The following AREL1 variants were observed in gnomAD, a reference collection of about 807,000 sequenced individuals.
AREL1 encodes the protein apoptosis-resistant E3 ubiquitin protein ligase 1.
Under a neutral mutation model 99.0 loss-of-function variants are expected in AREL1, and 62 were observed. That is an observed-to-expected ratio of 0.63 (90% CI 0.51 to 0.77). The LOEUF (loss-of-function observed/expected upper bound fraction) is 0.77. Among genes scored for constraint, AREL1 ranks in the 30% least tolerant of loss-of-function variants. The probability of loss-of-function intolerance (pLI) is 0.00; values close to 1 mark genes in which losing one functional copy is unlikely to be tolerated. For missense variants in AREL1, 879 were observed against 1,027.6 expected, an observed-to-expected ratio of 0.86 and a Z score of 1.98; for synonymous variants, 380 against 376.5, an observed-to-expected ratio of 1.01 and a Z score of -0.11.
chr14:74,687,816 G>A lies in AREL1; in HGVS notation c.-45-2156C>T, dbSNP rs78890521. ...ATCACTACTCCTTTACTTCAAAGCT[G>A]ATAGGAAACTCCTCTCTACTGGCCC... On this transcript the variant is annotated intron_variant, in intron 2 of 19. Coordinates refer to ENST00000356357, the MANE Select transcript of AREL1 (RefSeq NM_001039479.2). Among the ~76,000 whole-genome samples, 920 of 152,186 alleles carry A rather than the reference G, an allele frequency of 6.0e-3. 8 individuals carry two copies. The highest frequency in any genetic ancestry group is 0.029 in the South Asian group (141 of 4,816).
intron 2 of AREL1, 37 bp from the exon 3 acceptor site, chr14:74,685,697 C>A: frequency 1.3e-6 from 2 of 1,575,658 alleles, no homozygotes; most frequent in South Asian, 2.2e-5. Flanking sequence ...TTGTCTCCAA[C>A]TCTGCCTCAT....
At chr14:74,695,516 A>G (rs1014683447) in intron 1 of AREL1, among the ~76,000 whole-genome samples, 1 of 152,054 alleles carries the variant, frequency 6.6e-6, no homozygotes, top group Non-Finnish European at 1.5e-5. Context: ...GCTCACCGCA[A>G]TGCTTCAGTA....
At position 74,676,219 on chromosome 14, in the gene AREL1, G is replaced by A. The variant is rs1217422488; in HGVS notation, c.754C>T (p.Arg252Ter). ...QVFLRLTLHS[R>*]GCFHACISYQ... ...GAAATGCAAGCATGGAAGCAGCCTC[G>A]AGAATGCAGGGTGAGTCGCAAGAAC... Residue 252 changes from arginine to a stop codon, truncating the protein, a stop_gained, in exon 7 of 20, where the codon CGA (arginine) becomes TGA (stop). Transcript: ENST00000356357. LOFTEE classifies it high-confidence loss of function. 11 of 1,613,970 alleles carry A rather than the reference G, an allele frequency of 6.8e-6. No homozygotes were observed. The highest frequency in any genetic ancestry group is 2.7e-5 in the African/African-American group (2 of 74,908).
chr14:74,692,527 T>C (rs1353708041), intron 1 of AREL1, among the ~76,000 whole-genome samples, 199 bp from the exon 2 acceptor site: 1 of 152,170 alleles, frequency 6.6e-6, no homozygotes, highest in Non-Finnish European at 1.5e-5. Flanking sequence ...TCCAACTCCA[T>C]AAGAAAAGTC....
At chr14:74,708,413 T>C (rs974191937) in intron 1 of AREL1, among the ~76,000 whole-genome samples, 2 of 152,194 alleles carry the variant, frequency 1.3e-5, no homozygotes, top group Non-Finnish European at 2.9e-5. Context: ...TGGGATTTCT[T>C]CTTTACCAAG....
chr14:74,703,558 T>C (rs2090123399), intron 1 of AREL1, among the ~76,000 whole-genome samples: 1 of 152,226 alleles, frequency 6.6e-6, no homozygotes, highest in Non-Finnish European at 1.5e-5. Flanking sequence ...ATTCAAAAGG[T>C]ACATAGAAAT....
rs201741583 is a variant in AREL1, at chr14:74,663,740, C to G, written c.2452G>C (p.Glu818Gln). 3.9e-4 allele frequency: 636 copies of G among 1,614,078 alleles called. No homozygotes were observed. Among genetic ancestry groups the G allele is most frequent in the Non-Finnish European group, 4.7e-4 (550 of 1,180,016 alleles). ...AGTGGTCAGAGCATGCCAAAGCCCT[C>G]GCAACCCTCGCTGATGGCCAGCTGC... ...MLQLAISEGC[E>Q]GFGML The change falls in exon 20 of 20, where the codon GAG becomes CAG. Residue 818 changes from glutamate to glutamine, a missense_variant. Glu to Gln is a conservative substitution (Grantham distance 29). Coordinates refer to ENST00000356357, the MANE Select transcript of AREL1 (RefSeq NM_001039479.2).
chr14:74,681,037 T>C (rs1277925923), intron 5 of AREL1, among the ~76,000 whole-genome samples: 1 of 151,962 alleles, frequency 6.6e-6, no homozygotes, highest in Non-Finnish European at 1.5e-5. Flanking sequence ...AATCAAAAAA[T>C]TAACCGAGCG....
intron 7 of AREL1, 26 bp from the exon 8 acceptor site, chr14:74,675,972 T>G: frequency 5.1e-6 from 8 of 1,554,272 alleles, no homozygotes; most frequent in Non-Finnish European, 6.9e-6. Context: ...GAATAAGGTT[T>G]AAAGTAGAAG....
chr14:74,676,712 A>G lies in AREL1; in HGVS notation c.522T>C (p.Phe174=). The change falls in exon 6 of 20, where the codon TTT becomes TTC. Residue 174 remains phenylalanine, a synonymous_variant. Transcript: ENST00000356357. ...VPSKTKIVCH[F]STLVLTCGQP... is the part of the protein sequence containing the mutation. ...GCCCACAGGTCAATACAAGAGTAGAAAAGTGGCACACAATTTTGGTCTTAG... is the reference window on the plus strand; with the variant it reads ...GCCCACAGGTCAATACAAGAGTAGAGAAGTGGCACACAATTTTGGTCTTAG... 1 of 1,612,462 alleles carries G rather than the reference A, an allele frequency of 6.2e-7. No individual in the cohort carries two copies. Among genetic ancestry groups the G allele is most frequent in the Admixed American group, 1.7e-5 (1 of 59,814 alleles).
intron 1 of AREL1, among the ~76,000 whole-genome samples, chr14:74,695,186 T>C (rs1011670107): frequency 8.6e-5 from 13 of 151,516 alleles, no homozygotes; most frequent in African/African-American, 3.2e-4. Context: ...TTCAAGCGAT[T>C]CTCTTGCCTC....
rs1446202924 is a variant in AREL1, at chr14:74,683,291, C to A, written c.481+5G>T. On this transcript the variant is annotated splice_donor_5th_base_variant and intron_variant, in intron 5 of 19. Transcript: ENST00000356357. ...AAGGGAAAAAGAAAGGAAAAAAGAA[C>A]CTACCAGGTTGAAAAATTTTGTAGT... is the stretch of plus-strand genomic sequence containing the variant. 1 of 1,602,540 alleles carries A rather than the reference C, an allele frequency of 6.2e-7. No homozygotes were observed. The highest frequency in any genetic ancestry group is 8.5e-7 in the Non-Finnish European group (1 of 1,171,254).
At chr14:74,707,905 C>T (rs2090215219) in intron 1 of AREL1, among the ~76,000 whole-genome samples, 1 of 149,570 alleles carries the variant, frequency 6.7e-6, no homozygotes, top group East Asian at 2.0e-4. Flanking sequence ...TGCAGTGAGC[C>T]GAGATGGCGC....
chr14:74,703,624 C>T (rs1395577408), intron 1 of AREL1, among the ~76,000 whole-genome samples: 2 of 152,318 alleles, frequency 1.3e-5, no homozygotes, highest in South Asian at 2.1e-4. Context: ...TTTCACTTAG[C>T]ATAATGGTTC....
At chr14:74,664,103 A>G (rs1488478329) in intron 18 of AREL1, 29 bp from the exon 19 acceptor site, 1 of 1,602,016 alleles carries the variant, frequency 6.2e-7, no homozygotes, top group African/African-American at 1.3e-5. Context: ...GGCTGGGATC[A>G]CACACAGTAA....
intron 1 of AREL1, among the ~76,000 whole-genome samples, chr14:74,708,702 G>A (rs2090228522): frequency 6.6e-6 from 1 of 152,186 alleles, no homozygotes; most frequent in Non-Finnish European, 1.5e-5. Flanking sequence ...AAGCTGCACT[G>A]AAATAAATGC....
intron 2 of AREL1, among the ~76,000 whole-genome samples, chr14:74,689,049 T>C (rs947420934): frequency 6.6e-6 from 1 of 151,560 alleles, no homozygotes; most frequent in Admixed American, 6.6e-5. Context: ...GGTTTCACCA[T>C]GTCAGCCAGG....
chr14:74,684,671 G>A lies in AREL1; in HGVS notation c.26C>T (p.Thr9Ile). ...GAAGAAGAATGCAACCACAGACACTGTGATTCCACCTATGCAAAAGAGAGA... is the reference window on the plus strand; with the variant it reads ...GAAGAAGAATGCAACCACAGACACTATGATTCCACCTATGCAAAAGAGAGA... Reference protein sequence around the residue: MFYVIGGITVSVVAFFFTI... With the variant: MFYVIGGIIVSVVAFFFTI... Residue 9 changes from threonine (T) to isoleucine (I), a missense_variant, in exon 4 of 20, where the codon ACA (threonine) becomes ATA (isoleucine). Transcript: ENST00000356357. 1 of 1,614,046 alleles carries A rather than the reference G, an allele frequency of 6.2e-7. No individual in the cohort carries two copies. Among genetic ancestry groups the A allele is most frequent in the South Asian group, 1.1e-5 (1 of 91,044 alleles).
chr14:74,688,910 C>T (rs1163069641), intron 2 of AREL1, among the ~76,000 whole-genome samples: 1 of 151,892 alleles, frequency 6.6e-6, no homozygotes, highest in African/African-American at 2.4e-5. Context: ...AATCTTGGCT[C>T]TCTGCAACCT....
Sources: gnomAD v4.1 joint callset for allele counts (sites outside exome capture counted in the v4.1 genomes callset) on GRCh38, gnomAD v4.1.1 for gene constraint, MANE v1.5 for transcripts, NCBI Gene and HGNC (gene_info 2026-07-23, HGNC 2026-07-21) for gene names.